PIK3CB: variants seen among roughly 807,000 people sequenced by gnomAD.
The protein encoded by PIK3CB is phosphatidylinositol-4,5-bisphosphate 3-kinase catalytic subunit beta, also known as phosphatidylinositol 4,5-bisphosphate 3-kinase catalytic subunit beta isoform.
PIK3CB carries 39 observed loss-of-function variants against 136.8 expected under a neutral mutation model. The observed-to-expected ratio is 0.29, with a 90% confidence interval of 0.22 to 0.37. The LOEUF is 0.37. Ranked by LOEUF, PIK3CB falls within the 10% of genes least tolerant of loss-of-function variation. The probability of loss-of-function intolerance (pLI) is 1.00; values close to 1 mark genes in which losing one functional copy is unlikely to be tolerated. For missense variants in PIK3CB, 868 were observed against 1,275.4 expected, an observed-to-expected ratio of 0.68 and a Z score of 4.87; for synonymous variants, 428 against 436.6, an observed-to-expected ratio of 0.98 and a Z score of 0.25.
rs915930172 is a variant in PIK3CB, at chr3:138,655,286, A to G, written c.*103T>C. The G allele has an allele frequency of 8.7e-7, 1 of 1,153,192 alleles. No individual in the cohort carries two copies. The highest frequency in any genetic ancestry group is 1.5e-5 in the African/African-American group (1 of 64,834). 71.4% of individuals were successfully genotyped at this position (1,153,192 alleles called of 1,614,324 possible). ...ATTTAACTCTGAGTTCCAGGATTTC[A>G]TTCCCTTTATAACATCTCTAACAGG... On this transcript the variant is annotated 3_prime_UTR_variant, in exon 24 of 24. Transcript: ENST00000674063.
At chr3:138,744,487 G>A (rs1355328187) in intron 4 of PIK3CB, among the ~76,000 whole-genome samples, 1 of 150,772 alleles carries the variant, frequency 6.6e-6, no homozygotes, top group Non-Finnish European at 1.5e-5. Flanking sequence ...CTGAGGAGGA[G>A]GGGGAGAGGT....
intron 4 of PIK3CB, among the ~76,000 whole-genome samples, chr3:138,746,045 G>A (rs1287488780): frequency 3.3e-5 from 5 of 151,792 alleles, no homozygotes; most frequent in Admixed American, 2.6e-4. Flanking sequence ...TCAGGGGTTC[G>A]AGACCAGCCT....
chr3:138,660,100 A>C (rs754284355), intron 21 of PIK3CB, among the ~76,000 whole-genome samples: 2 of 151,806 alleles, frequency 1.3e-5, no homozygotes, highest in Non-Finnish European at 2.9e-5. Flanking sequence ...GGCATGGTGG[A>C]TTAAAAAAAA....
chr3:138,684,488 G>T, intron 17 of PIK3CB, 137 bp downstream of exon 17: 1 of 510,928 alleles, frequency 2.0e-6, no homozygotes. Context: ...GCATAGCCTC[G>T]GAGAACTTTT....
Position 138,655,523 on chromosome 3 carries a change from A to C in PIK3CB, c.3079T>G (p.Ser1027Ala). Reference sequence around the variant, plus strand: ...TCTTCACTCTTCCCTAATGCAAGAGAGTCCTAAAATGGAAGGGGGAAAATA... The same window carrying C: ...TCTTCACTCTTCCCTAATGCAAGAGCGTCCTAAAATGGAAGGGGGAAAATA... ...SVKDIQYLKD[S>A]LALGKSEEEA... Residue 1027 changes from serine (S) to alanine (A), a missense_variant, in exon 24 of 24, where the codon TCT becomes GCT. This residue lies in a region of PIK3CB where 88 missense variants were observed against 147.8 expected (regional missense o/e 0.60). Coordinates refer to ENST00000674063, the MANE Select transcript of PIK3CB (RefSeq NM_006219.3). 1 of 1,609,458 alleles carries C rather than the reference A, an allele frequency of 6.2e-7. No individual in the cohort carries two copies. The highest frequency in any genetic ancestry group is 8.5e-7 in the Non-Finnish European group (1 of 1,175,826).
At position 138,656,390 on chromosome 3, in the gene PIK3CB, T is replaced by C. The variant is rs184944940; in HGVS notation, c.2943-116A>G. 657 of 1,104,442 alleles carry C rather than the reference T, an allele frequency of 5.9e-4. 5 individuals carry two copies. The African/African-American group carries it at 9.4e-3, about 16-fold the overall frequency. 68.4% of individuals were successfully genotyped at this position (1,104,442 alleles called of 1,614,324 possible). On this transcript the variant is annotated intron_variant, in intron 22 of 23. Transcript: ENST00000674063. ...TCTATTAGAATAAGAAAATTCCTAC[T>C]GAACTAAAGGTTCATTTCTGATTTT...
chr3:138,834,416 C>T (rs1204665515), intron 1 of PIK3CB, among the ~76,000 whole-genome samples: 1 of 152,156 alleles, frequency 6.6e-6, no homozygotes, highest in Non-Finnish European at 1.5e-5. Context: ...GACAGTGACC[C>T]GGGACGCCCG....
At chr3:138,717,253 C>CAA (rs538932107) in intron 8 of PIK3CB, among the ~76,000 whole-genome samples, 8 of 78,758 alleles carry the variant, frequency 1.0e-4, no homozygotes, top group Admixed American at 1.3e-4. Flanking sequence ...GACGCTGTCT[C>CAA]AAAAAAAAAA....
At chr3:138,684,314 T>C (rs1176318169) in intron 17 of PIK3CB, among the ~76,000 whole-genome samples, 1 of 152,226 alleles carries the variant, frequency 6.6e-6, no homozygotes, top group Non-Finnish European at 1.5e-5. Context: ...AATAATTTAC[T>C]ACAGTTTGCA....
chr3:138,690,459 CTT>C (rs761145850), intron 15 of PIK3CB, among the ~76,000 whole-genome samples: 5 of 151,706 alleles, frequency 3.3e-5, no homozygotes, highest in Non-Finnish European at 7.4e-5. Flanking sequence ...TGATTTTACT[CTT>C]ATATGAACTT....
chr3:138,722,199 G>A (rs1415120342), intron 8 of PIK3CB, among the ~76,000 whole-genome samples: 4 of 117,302 alleles, frequency 3.4e-5, no homozygotes, highest in Admixed American at 9.2e-5. Context: ...AAAACTGTCT[G>A]TATTGTATGT....
intron 4 of PIK3CB, among the ~76,000 whole-genome samples, chr3:138,753,235 A>G (rs1487000382): frequency 6.6e-6 from 1 of 151,932 alleles, no homozygotes; most frequent in Non-Finnish European, 1.5e-5. Context: ...ATAAAAACAA[A>G]AACAGCTGGG....
intron 4 of PIK3CB, among the ~76,000 whole-genome samples, chr3:138,746,435 C>T (rs1218541276): frequency 2.6e-5 from 4 of 152,096 alleles, no homozygotes; most frequent in Admixed American, 1.3e-4. Context: ...CCGAGGAGGG[C>T]GGATCACGAG....
At chr3:138,673,165 A>G (rs2043572123) in intron 19 of PIK3CB, among the ~76,000 whole-genome samples, 1 of 152,106 alleles carries the variant, frequency 6.6e-6, no homozygotes, top group African/African-American at 2.4e-5. Context: ...TGGAAGGTTA[A>G]GAGACATAAA....
At chr3:138,737,999 G>T in intron 5 of PIK3CB, 113 bp from the exon 6 acceptor site, 1 of 533,702 alleles carries the variant, frequency 1.9e-6, no homozygotes, top group Non-Finnish European at 3.1e-6. Flanking sequence ...ATTTATATGG[G>T]TACATCCTTA....
chr3:138,787,681 C>T (rs1407481956), intron 2 of PIK3CB, among the ~76,000 whole-genome samples: 1 of 150,676 alleles, frequency 6.6e-6, no homozygotes, highest in Non-Finnish European at 1.5e-5. Context: ...TTCTCCAGCT[C>T]CTTGTAAAAT....
chr3:138,832,689 T>C (rs1378074198), intron 1 of PIK3CB, among the ~76,000 whole-genome samples: 2 of 151,776 alleles, frequency 1.3e-5, no homozygotes, highest in East Asian at 3.9e-4. Flanking sequence ...ATTAGCCGCG[T>C]GTGGTGGCAC....
intron 8 of PIK3CB, among the ~76,000 whole-genome samples, chr3:138,716,078 G>A (rs1418843497): frequency 6.6e-6 from 1 of 151,828 alleles, no homozygotes; most frequent in Admixed American, 6.6e-5. Flanking sequence ...TAAGCTAAAA[G>A]AAAAAAATTG....
intron 2 of PIK3CB, among the ~76,000 whole-genome samples, chr3:138,784,168 C>G (rs941498503): frequency 2.0e-5 from 3 of 152,154 alleles, no homozygotes; most frequent in African/African-American, 7.2e-5. Context: ...AGTGGATCAC[C>G]TGAGGTCAGG....
Sources: gnomAD v4.1 joint callset for allele counts (sites outside exome capture counted in the v4.1 genomes callset) on GRCh38, gnomAD v4.1.1 for gene constraint, gnomAD v4.1.1 regional missense constraint, MANE v1.5 for transcripts, NCBI Gene and HGNC (gene_info 2026-07-23, HGNC 2026-07-21) for gene names.